UBE2O: variants seen among roughly 807,000 people sequenced by gnomAD.
UBE2O encodes the protein (E3-independent) E2 ubiquitin-conjugating enzyme.
Under a neutral mutation model 125.8 loss-of-function variants are expected in UBE2O, and 15 were observed. That is an observed-to-expected ratio of 0.12 (90% confidence interval 0.08 to 0.18). UBE2O has a LOEUF of 0.18. UBE2O is among the 10% of genes least tolerant of loss of function. The pLI, the probability that UBE2O is intolerant of heterozygous loss-of-function variation, is 1.00. For synonymous variants in UBE2O, 708 were observed against 703.2 expected, an observed-to-expected ratio of 1.01 and a Z score of -0.11; for missense variants, 1,280 against 1,723.6, an observed-to-expected ratio of 0.74 and a Z score of 4.56.
At chr17:76,450,028 A>C (rs536892288) in intron 1 of UBE2O, among the ~76,000 whole-genome samples, 38 of 152,050 alleles carry the variant, frequency 2.5e-4, no homozygotes, top group African/African-American at 7.7e-4. Flanking sequence ...GAATTCAAGG[A>C]CACCTGAGTA....
In UBE2O at chr17:76,402,833, C is replaced by T; in HGVS notation, c.589-134G>A. On this transcript the variant is annotated intron_variant, in intron 3 of 17. Coordinates refer to ENST00000319380, the MANE Select transcript of UBE2O (RefSeq NM_022066.4). The surrounding 1 kb of genome is among the most constrained non-coding windows in gnomAD (Gnocchi z 5.4). ...GCTCACTGACTGGACCGGTTGGCTACTAGCCCTAAACAGCTGCTGCAGCAG... is the reference window on the plus strand; with the variant it reads ...GCTCACTGACTGGACCGGTTGGCTATTAGCCCTAAACAGCTGCTGCAGCAG... 1.4e-6 allele frequency: 1 copy of T among 733,674 alleles called. No individual in the cohort carries two copies. Among genetic ancestry groups the T allele is most frequent in the South Asian group, 1.6e-5 (1 of 63,018 alleles). 45.4% of individuals were successfully genotyped at this position (733,674 alleles called of 1,614,324 possible). A position where few individuals can be genotyped will look rare whatever the true frequency, so the allele number is the denominator to read the frequency against.
rs1392842572 is a variant in UBE2O, at chr17:76,396,486, G to C, written c.2451C>G (p.Ala817=). The C allele has an allele frequency of 6.2e-7, 1 of 1,613,814 alleles. No individual in the cohort carries two copies. Among genetic ancestry groups the C allele is most frequent in the Admixed American group, 1.7e-5 (1 of 59,968 alleles). The stretch of plus-strand genomic sequence containing the variant: ...TCTTGAGGCTCTCCAGGATCTTGAT[G>C]GCCTCTTTCAACTCCCGGAAGCTCT... The part of the protein sequence containing the change: ...PPKSFRELKE[A]IKILESLKNM... The change falls in exon 14 of 18, where the codon GCC becomes GCG. Residue 817 remains alanine (A), a synonymous_variant. Coordinates refer to ENST00000319380, the MANE Select transcript of UBE2O (RefSeq NM_022066.4). This position sits in a 1 kb window ranked among gnomAD's most constrained non-coding sequence, Gnocchi z 6.7.
chr17:76,445,161 A>G (rs1352604526), intron 1 of UBE2O, among the ~76,000 whole-genome samples: 1 of 151,894 alleles, frequency 6.6e-6, no homozygotes, highest in Non-Finnish European at 1.5e-5. Context: ...CCTGCAGGAA[A>G]TCTCTCTGTC....
Position 76,392,042 on chromosome 17 carries a change from G to A in UBE2O, c.3018C>T (p.Ile1006=). The part of the protein sequence containing the change: ...PYEDGLYLFD[I]QLPNIYPAVP... ...CGGCTGGGTAGATGTTGGGGAGCTG[G>A]ATGTCAAACAAGTAGAGGCCATCCT... The change falls in exon 16 of 18, where the codon ATC becomes ATT. Residue 1006 remains isoleucine (I), a synonymous_variant. Transcript: ENST00000319380. The A allele has an allele frequency of 7.1e-7, 1 of 1,407,636 alleles. No homozygotes were observed. The highest frequency in any genetic ancestry group is 9.5e-7 in the Non-Finnish European group (1 of 1,055,844). The allele number at this position is 1,407,636 out of a possible 1,614,324, so 87.2% of individuals were successfully genotyped here.
intron 1 of UBE2O, among the ~76,000 whole-genome samples, chr17:76,424,165 C>A (rs1372001010): frequency 2.0e-5 from 3 of 151,374 alleles, no homozygotes; most frequent in African/African-American, 7.3e-5. Context: ...GTCTCGGCCT[C>A]CCAAAGTGCT....
At chr17:76,448,376 C>A (rs1272373763) in intron 1 of UBE2O, among the ~76,000 whole-genome samples, 1 of 152,188 alleles carries the variant, frequency 6.6e-6, no homozygotes, top group Non-Finnish European at 1.5e-5. Context: ...GGCCCAGCAC[C>A]CAGACAAGTG....
rs536940092 is a variant in UBE2O at position 76,400,633 on chromosome 17, C to T, written c.895-83G>A. ...GCCAGCTGCCCAAAGCCCACTTGACCTCCAGAGCAGGAAACTGATCTTCCT... is the reference window on the plus strand; with the variant it reads ...GCCAGCTGCCCAAAGCCCACTTGACTTCCAGAGCAGGAAACTGATCTTCCT... On this transcript the variant is annotated intron_variant, in intron 6 of 17. Transcript: ENST00000319380. This position sits in a 1 kb window ranked among gnomAD's most constrained non-coding sequence, Gnocchi z 4.3. 5.5e-5 allele frequency: 51 copies of T among 926,770 alleles called. No homozygotes were observed. The African/African-American group carries it at 6.9e-4, about 13-fold the overall frequency. 57.4% of individuals were successfully genotyped at this position (926,770 alleles called of 1,614,324 possible).
At chr17:76,421,152 G>C (rs1273224603) in intron 1 of UBE2O, among the ~76,000 whole-genome samples, 1 of 152,142 alleles carries the variant, frequency 6.6e-6, no homozygotes, top group Admixed American at 6.5e-5. Context: ...CCAAAAGGCC[G>C]TTGCTCCTCT....
Position 76,396,532 on chromosome 17 carries a change from G to C in UBE2O, c.2405C>G (p.Ala802Gly), listed in dbSNP as rs748038435. The part of the protein sequence containing the change: ...AAPMAGLMEK[A>G]GKDGPPKSFR... The stretch of plus-strand genomic sequence containing the variant: ...GCTCTTGGGTGGCCCGTCCTTGCCA[G>C]CCTTCTCCATCAGCCCGGCCATGGG... The change falls in exon 14 of 18, where the codon GCT becomes GGT. Residue 802 changes from alanine (A) to glycine (G), a missense_variant. Ala to Gly is a moderately conservative substitution (Grantham distance 60). Transcript: ENST00000319380. This position sits in a 1 kb window ranked among gnomAD's most constrained non-coding sequence, Gnocchi z 6.7. 3.1e-6 allele frequency: 5 copies of C among 1,613,164 alleles called. No homozygotes were observed. The Middle Eastern group carries it at 6.6e-4, about 213-fold the overall frequency.
chr17:76,451,206 A>G (rs2073236169), intron 1 of UBE2O, among the ~76,000 whole-genome samples: 1 of 152,182 alleles, frequency 6.6e-6, no homozygotes, highest in South Asian at 2.1e-4. Flanking sequence ...CATTCTTAAA[A>G]ACTCACAGAA....
At chr17:76,403,489 C>G (rs982952176) in intron 3 of UBE2O, among the ~76,000 whole-genome samples, 14 of 152,058 alleles carry the variant, frequency 9.2e-5, no homozygotes, top group African/African-American at 3.4e-4. Context: ...CCAAGCTGGT[C>G]TTAAACTCTT....
Position 76,452,718 on chromosome 17 carries a change from G to T in UBE2O, c.417+7C>A. ...CGCCCGCGCCGCCCAGCCCCCGCCC[G>T]CCGCACCTTGGTCTCCTTCACATGC... On this transcript the variant is annotated splice_region_variant and intron_variant, in intron 1 of 17. Transcript: ENST00000319380. This position sits in a 1 kb window ranked among gnomAD's most constrained non-coding sequence, Gnocchi z 4.4. The T allele has an allele frequency of 1.4e-6, 2 of 1,404,332 alleles. No individual in the cohort carries two copies. The highest frequency in any genetic ancestry group is 1.6e-5 in the South Asian group (1 of 62,166). The allele number at this position is 1,404,332 out of a possible 1,614,324, so 87.0% of individuals were successfully genotyped here. A position where few individuals can be genotyped will look rare whatever the true frequency, so the allele number is the denominator to read the frequency against.
chr17:76,451,077 G>A (rs1255565202), intron 1 of UBE2O, among the ~76,000 whole-genome samples: 1 of 152,226 alleles, frequency 6.6e-6, no homozygotes, highest in African/African-American at 2.4e-5. Context: ...GCTCCCAGTA[G>A]TGAGCTGGGC....
chr17:76,399,082 G>T lies in UBE2O; in HGVS notation c.1629-91C>A. ...CTTTCTGTCCCTTCCTGTCCCTGTG[G>T]GCTTGGTAACCTGAAACTCTGAATC... On this transcript the variant is annotated intron_variant, in intron 9 of 17. Coordinates refer to ENST00000319380, the MANE Select transcript of UBE2O (RefSeq NM_022066.4). The surrounding 1 kb of genome is among the most constrained non-coding windows in gnomAD (Gnocchi z 6.9). 1 of 1,491,806 alleles carries T rather than the reference G, an allele frequency of 6.7e-7. No homozygotes were observed. 92.4% of individuals were successfully genotyped at this position (1,491,806 alleles called of 1,614,324 possible).
At chr17:76,409,792 A>G (rs1035189390) in intron 1 of UBE2O, among the ~76,000 whole-genome samples, 6 of 152,200 alleles carry the variant, frequency 3.9e-5, no homozygotes, top group African/African-American at 9.7e-5. Flanking sequence ...CAGGAGCAGC[A>G]AACAACACAG....
chr17:76,421,660 C>T (rs529713502), intron 1 of UBE2O, among the ~76,000 whole-genome samples: 1 of 152,160 alleles, frequency 6.6e-6, no homozygotes, highest in South Asian at 2.1e-4. Context: ...CCACCACGCC[C>T]GGCCCTGAGT....
intron 1 of UBE2O, among the ~76,000 whole-genome samples, chr17:76,447,872 T>G (rs1356533): frequency 0.47 from 71,981 of 152,022 alleles, 19,307 homozygotes; most frequent in Non-Finnish European, 0.6. Flanking sequence ...CAGGGCTGGC[T>G]CTCTCTGACA....
At chr17:76,412,766 T>A (rs1215947708) in intron 1 of UBE2O, among the ~76,000 whole-genome samples, 1 of 152,142 alleles carries the variant, frequency 6.6e-6, no homozygotes, top group Non-Finnish European at 1.5e-5. Flanking sequence ...TCCCAGTGCT[T>A]TGGAAGGCTG....
At chr17:76,420,412 GTTTTCCT>G (rs60251820) in intron 1 of UBE2O, among the ~76,000 whole-genome samples, 2,966 of 152,176 alleles carry the variant, frequency 0.019, 91 homozygotes, top group African/African-American at 0.068. Context: ...GCATCGTTTT[GTTTTCCT>G]AATACCTGTG....
Sources: allele counts gnomAD v4.1 joint callset (sites outside exome capture counted in the v4.1 genomes callset), GRCh38; gene constraint gnomAD v4.1.1; non-coding constraint Gnocchi (gnomAD v3.1); transcripts MANE v1.5; gene names NCBI Gene and HGNC (gene_info 2026-07-23, HGNC 2026-07-21).